The following PFKP variants were observed in gnomAD, a reference collection of about 807,000 sequenced individuals.
The protein encoded by PFKP is phosphofructokinase, platelet, also known as ATP-dependent 6-phosphofructokinase, platelet type.
A neutral mutation model predicts 94.3 loss-of-function variants in PFKP; 101 were observed. That is an observed-to-expected ratio of 1.07 (90% CI 0.91 to 1.26). PFKP has a LOEUF of 1.26. Ranked by LOEUF, PFKP falls within the 50% of genes most tolerant of loss-of-function variation. PFKP has a pLI of 0.00. For synonymous variants in PFKP, 573 were observed against 432.6 expected, an observed-to-expected ratio of 1.32 and a Z score of -4.03; for missense variants, 1,145 against 1,103.3, an observed-to-expected ratio of 1.04 and a Z score of -0.53.
chr10:3,112,121 G>A, intron 10 of PFKP, 101 bp from the exon 11 acceptor site: 1 of 936,046 alleles, frequency 1.1e-6, no homozygotes, highest in Non-Finnish European at 1.8e-6. Context: ...GGTCAGACTG[G>A]AGGGGGCTGG....
intron 1 of PFKP, among the ~76,000 whole-genome samples, chr10:3,077,261 CTTT>C (rs34485324): frequency 0.057 from 4,815 of 84,354 alleles, 128 homozygotes; most frequent in Middle Eastern, 0.12. Context: ...TTTTTTTTTT[CTTT>C]TTTTTTTTTT....
At chr10:3,080,516 CAAAAAAAAAAA>C (rs869281524) in intron 1 of PFKP, among the ~76,000 whole-genome samples, 9 of 68,666 alleles carry the variant, frequency 1.3e-4, no homozygotes, top group Non-Finnish European at 2.5e-5. Flanking sequence ...GACTCCGTCT[CAAAAAAAAAAA>C]AAAAAAAAAA....
intron 2 of PFKP, among the ~76,000 whole-genome samples, chr10:3,095,763 C>T (rs1834430553): frequency 6.6e-6 from 1 of 152,216 alleles, no homozygotes. Flanking sequence ...CAAAATGAGT[C>T]TTCCTAATTT....
chr10:3,068,417 G>T (rs1200051392), intron 1 of PFKP, among the ~76,000 whole-genome samples: 1 of 152,190 alleles, frequency 6.6e-6, no homozygotes, highest in Non-Finnish European at 1.5e-5. Context: ...ATGTGCTGTC[G>T]CCTTCCGGCT....
chr10:3,075,321 C>G (rs1350622985), intron 1 of PFKP, among the ~76,000 whole-genome samples: 1 of 151,928 alleles, frequency 6.6e-6, no homozygotes, highest in African/African-American at 2.4e-5. Context: ...GGGCCTGCTC[C>G]CAACAGAATG....
chr10:3,125,117 C>G (rs781578730), intron 16 of PFKP: 14 of 1,321,916 alleles, frequency 1.1e-5, no homozygotes, highest in Non-Finnish European at 1.4e-5. Flanking sequence ...GTGCGTGCGA[C>G]ATGGCCGAGG....
chr10:3,136,196 C>T (rs1176523485), intron 21 of PFKP, among the ~76,000 whole-genome samples: 6 of 152,308 alleles, frequency 3.9e-5, no homozygotes, highest in Non-Finnish European at 7.4e-5. Flanking sequence ...ACCCGGGAGG[C>T]AGAGGTTGCA....
intron 1 of PFKP, among the ~76,000 whole-genome samples, chr10:3,078,031 C>T (rs775471038): frequency 6.6e-6 from 1 of 152,190 alleles, no homozygotes; most frequent in African/African-American, 2.4e-5. Context: ...GTTGGGCTCC[C>T]AAAACCAAAA....
chr10:3,111,608 T>C (rs538476776), intron 10 of PFKP, among the ~76,000 whole-genome samples: 24 of 152,146 alleles, frequency 1.6e-4, no homozygotes, highest in Admixed American at 1.3e-3. Context: ...TGAATAACCT[T>C]AGAGATAGCT....
intron 1 of PFKP, chr10:3,069,267 C>G: frequency 1.4e-6 from 2 of 1,472,632 alleles, no homozygotes; most frequent in Non-Finnish European, 1.8e-6. Context: ...CAACGTTCTT[C>G]CTGCAGGGCT....
chr10:3,125,481 T>G (rs1196446882), intron 16 of PFKP, among the ~76,000 whole-genome samples: 2 of 152,152 alleles, frequency 1.3e-5, no homozygotes, highest in African/African-American at 2.4e-5. Flanking sequence ...TGGGATCGTG[T>G]TTCTATCCCA....
intron 10 of PFKP, among the ~76,000 whole-genome samples, chr10:3,110,714 GTGTA>G (rs535788295): frequency 2.0e-5 from 3 of 152,182 alleles, no homozygotes; most frequent in African/African-American, 4.8e-5. Flanking sequence ...GTGTCTCTGT[GTGTA>G]TGTATGTATA....
At position 3,112,213 on chromosome 10, in the gene PFKP, T is replaced by C. The variant is rs1822173438; in HGVS notation, c.1090-9T>C. On this transcript the variant is annotated splice_polypyrimidine_tract_variant and intron_variant, in intron 10 of 21. Coordinates refer to ENST00000381125, the MANE Select transcript of PFKP (RefSeq NM_002627.5). The stretch of plus-strand genomic sequence containing the variant: ...ACATTCTTTCTTCTTTTCATCATTG[T>C]TTTAAAAGACTCAGGATGTGCAGAA... 1 of 1,610,536 alleles carries C rather than the reference T, an allele frequency of 6.2e-7. No individual in the cohort carries two copies. Among genetic ancestry groups the C allele is most frequent in the Non-Finnish European group, 8.5e-7 (1 of 1,176,740 alleles).
Position 3,133,245 on chromosome 10 carries a change from C to T in PFKP, c.1953C>T (p.Tyr651=), listed in dbSNP as rs1433072883. Residue 651 remains tyrosine (Y), a synonymous_variant, in exon 19 of 22, where the codon TAC becomes TAT. Transcript: ENST00000381125. ...AAAACTACACCACCGACTTCATTTA[C>T]CAGCTGTATTCAGAAGAGGGCAAAG... The part of the protein sequence containing the change: ...CSENYTTDFI[Y]QLYSEEGKGV... 6.2e-7 allele frequency: 1 copy of T among 1,613,948 alleles called. No individual in the cohort carries two copies. Among genetic ancestry groups the T allele is most frequent in the Admixed American group, 1.7e-5 (1 of 60,006 alleles).
At chr10:3,082,543 C>T in intron 2 of PFKP, 82 bp downstream of exon 2, 1 of 974,062 alleles carries the variant, frequency 1.0e-6, no homozygotes, top group East Asian at 2.6e-5. Flanking sequence ...CTCACCCCTG[C>T]CTCCCCCATG....
chr10:3,133,255 TCAG>T lies in PFKP; in HGVS notation c.1964_1966del (p.Ser655_Glu656delinsTer), dbSNP rs1838805639. ...CACCGACTTCATTTACCAGCTGTAT[TCAG>T]AAGAGGGCAAAGGCGTGTTTGACTG... On this transcript the variant is annotated stop_gained and inframe_deletion, in exon 19 of 22. Coordinates refer to ENST00000381125, the MANE Select transcript of PFKP (RefSeq NM_002627.5). LOFTEE classifies it high-confidence loss of function. The T allele has an allele frequency of 6.2e-7, 1 of 1,614,022 alleles. No individual in the cohort carries two copies. Among genetic ancestry groups the T allele is most frequent in the African/African-American group, 1.3e-5 (1 of 74,908 alleles).
In PFKP at chr10:3,136,516, C is replaced by G. The variant is rs761258377; in HGVS notation, c.2292C>G (p.Tyr764Ter). The change falls in exon 22 of 22, where the codon TAC (tyrosine) becomes TAG (stop). Residue 764 changes from tyrosine (Y) to a stop codon, truncating the protein, a stop_gained. Transcript: ENST00000381125. LOFTEE classifies it low-confidence loss of function (END_TRUNC). ...LRPLMKILAK[Y>*]KASYDVSDSG... Reference sequence around the variant, plus strand: ...CCCTCATGAAAATCCTGGCCAAGTACAAGGCCAGCTATGACGTGTCGGACT... The same window carrying G: ...CCCTCATGAAAATCCTGGCCAAGTAGAAGGCCAGCTATGACGTGTCGGACT... 6.2e-7 allele frequency: 1 copy of G among 1,613,568 alleles called. No homozygotes were observed. Among genetic ancestry groups the G allele is most frequent in the Non-Finnish European group, 8.5e-7 (1 of 1,179,776 alleles).
chr10:3,115,376 A>C (rs1264392680), intron 13 of PFKP, among the ~76,000 whole-genome samples: 536 of 53,532 alleles, frequency 0.01, 56 homozygotes, highest in African/African-American at 0.029. Context: ...TGTGTCCCGC[A>C]GCTGAGAACA....
At chr10:3,110,800 A>G (rs113036381) in intron 10 of PFKP, among the ~76,000 whole-genome samples, 2,431 of 152,092 alleles carry the variant, frequency 0.016, 62 homozygotes, top group African/African-American at 0.056. Flanking sequence ...ATGTGTGTGC[A>G]TGTTTGTGAG....
Sources: allele counts gnomAD v4.1 joint callset (sites outside exome capture counted in the v4.1 genomes callset), GRCh38; gene constraint gnomAD v4.1.1; transcripts MANE v1.5; gene names NCBI Gene and HGNC (gene_info 2026-07-23, HGNC 2026-07-21).